The following NFIB variants were observed in gnomAD, a reference collection of about 807,000 sequenced individuals.
NFIB encodes the protein nuclear factor 1 B-type.
In NFIB, 11 loss-of-function variants were observed where a neutral mutation model predicts 61.5. The observed-to-expected ratio is 0.18, with a 90% CI of 0.11 to 0.30. NFIB has a LOEUF of 0.30. Ranked by LOEUF, NFIB falls within the 10% of genes least tolerant of loss-of-function variation. The pLI is 1.00. For missense variants in NFIB, 471 were observed against 608.9 expected, an observed-to-expected ratio of 0.77 and a Z score of 2.38; for synonymous variants, 260 against 216.5, an observed-to-expected ratio of 1.20 and a Z score of -1.76.
chr9:14,526,726 T>C, the NFIB span, among the ~76,000 whole-genome samples: 2 of 152,232 alleles, frequency 1.3e-5, no homozygotes, highest in African/African-American at 2.4e-5. Context: ...TTCAGCCATG[T>C]TACAGAAATA....
chr9:14,187,072 T>C (rs1056427813), intron 2 of NFIB, among the ~76,000 whole-genome samples: 165 of 145,116 alleles, frequency 1.1e-3, no homozygotes, highest in African/African-American at 3.5e-3. Flanking sequence ...TGTGTGTGTG[T>C]GCCTGTGTCT....
Position 14,263,439 on chromosome 9 carries a change from T to C in NFIB, c.562+43550A>G, listed in dbSNP as rs146494438. On this transcript the variant is annotated intron_variant, in intron 2 of 10. Transcript: ENST00000380953. The stretch of plus-strand genomic sequence containing the variant: ...ACGTACTCTTGTTTTTAAAAGTCTG[T>C]TTCCATACCCGTATTTACCTGTGGA... Among the ~76,000 whole-genome samples the C allele has an allele frequency of 5.3e-5, 8 of 152,316 alleles. No homozygotes were observed. The East Asian group carries it at 1.5e-3, about 29-fold the overall frequency.
At chr9:14,428,808 C>G in the NFIB span, among the ~76,000 whole-genome samples, 1 of 152,130 alleles carries the variant, frequency 6.6e-6, no homozygotes, top group Non-Finnish European at 1.5e-5. Flanking sequence ...TGATAATACA[C>G]TGAAAATAGG....
chr9:14,297,948 T>C (rs1181830588), intron 2 of NFIB, among the ~76,000 whole-genome samples: 1 of 152,174 alleles, frequency 6.6e-6, no homozygotes, highest in African/African-American at 2.4e-5. Context: ...AAATTCGCTA[T>C]TTTTGCACAT....
At chr9:14,343,189 C>T (rs1181330773) in intron 1 of NFIB, among the ~76,000 whole-genome samples, 2 of 152,164 alleles carry the variant, frequency 1.3e-5, no homozygotes, top group Admixed American at 6.5e-5. Context: ...GTTGAAATTT[C>T]CCCTGTTACT....
the NFIB span, among the ~76,000 whole-genome samples, chr9:14,406,092 C>A: frequency 1.3e-5 from 2 of 152,132 alleles, no homozygotes; most frequent in African/African-American, 2.4e-5. Context: ...ACTCATATTA[C>A]AAGTGGCCAA....
At chr9:14,356,980 T>C (rs1201623462) in intron 1 of NFIB, among the ~76,000 whole-genome samples, 2 of 152,220 alleles carry the variant, frequency 1.3e-5, no homozygotes, top group Non-Finnish European at 2.9e-5. Context: ...TCTAGTTCTA[T>C]TTCTGCTCAG....
the NFIB span, among the ~76,000 whole-genome samples, chr9:14,507,293 G>A: frequency 2.0e-5 from 3 of 152,134 alleles, no homozygotes; most frequent in African/African-American, 4.8e-5. Flanking sequence ...TTGAGGGAGC[G>A]TGATATAAAA....
At chr9:14,249,569 A>T (rs1311248936) in intron 2 of NFIB, among the ~76,000 whole-genome samples, 1 of 152,106 alleles carries the variant, frequency 6.6e-6, no homozygotes, top group Non-Finnish European at 1.5e-5. Flanking sequence ...TTATCTTATA[A>T]ACTTCCTCAG....
the NFIB span, among the ~76,000 whole-genome samples, chr9:14,494,392 C>G: frequency 1.3e-5 from 2 of 152,180 alleles, no homozygotes; most frequent in African/African-American, 2.4e-5. Flanking sequence ...GTACTGTATA[C>G]ATGCCAAAGA....
rs375667926 is a variant in NFIB at position 14,124,118 on chromosome 9, A to G, written c.1060+1514T>C. On this transcript the variant is annotated intron_variant, in intron 7 of 10. Coordinates refer to ENST00000380953, the MANE Select transcript of NFIB (RefSeq NM_001190737.2). ...AGATGCCTAACACAGACCCTAATAT[A>G]CAGATACAGAACAAATATCGGGTGA... 1.2e-4 allele frequency among the ~76,000 whole-genome samples: 18 copies of G among 152,262 alleles called. No homozygotes were observed. The South Asian group carries it at 3.7e-3, about 32-fold the overall frequency.
chr9:14,158,110 CAAA>C (rs372875773), intron 3 of NFIB, among the ~76,000 whole-genome samples: 3 of 64,372 alleles, frequency 4.7e-5, no homozygotes, highest in African/African-American at 5.7e-5. Flanking sequence ...GACTCCATCT[CAAA>C]AAAAAAAAAA....
chr9:14,164,295 G>T (rs888214715), intron 3 of NFIB, among the ~76,000 whole-genome samples: 1 of 151,998 alleles, frequency 6.6e-6, no homozygotes, highest in Non-Finnish European at 1.5e-5. Flanking sequence ...GCAATTTCAT[G>T]GTTGTATGAA....
At chr9:14,222,162 A>G (rs2051753487) in intron 2 of NFIB, among the ~76,000 whole-genome samples, 1 of 152,176 alleles carries the variant, frequency 6.6e-6, no homozygotes, top group African/African-American at 2.4e-5. Flanking sequence ...CATCTTTCCA[A>G]AACACTTTCT....
At chr9:14,315,377 C>T (rs2060494085), upstream of NFIB, among the ~76,000 whole-genome samples, 1 of 150,818 alleles carries the variant, frequency 6.6e-6, no homozygotes, top group African/African-American at 2.4e-5. Context: ...CCTCTTGCTC[C>T]CTCCACCTCC....
chr9:14,521,218 T>C, the NFIB span, among the ~76,000 whole-genome samples: 2 of 152,210 alleles, frequency 1.3e-5, no homozygotes, highest in African/African-American at 4.8e-5. Flanking sequence ...TTTTTTAATA[T>C]TTCACAAATA....
intron 2 of NFIB, among the ~76,000 whole-genome samples, chr9:14,270,934 C>A (rs2057562394): frequency 6.6e-6 from 1 of 152,096 alleles, no homozygotes; most frequent in African/African-American, 2.4e-5. Flanking sequence ...TTGCACACAG[C>A]CGCCCTAATG....
At chr9:14,200,098 T>G (rs2048870656) in intron 2 of NFIB, among the ~76,000 whole-genome samples, 1 of 152,092 alleles carries the variant, frequency 6.6e-6, no homozygotes, top group African/African-American at 2.4e-5. Flanking sequence ...TAAGAGCAAT[T>G]TAAAGGGGTG....
At chr9:14,311,728 A>G (rs1401827889) in intron 1 of NFIB, among the ~76,000 whole-genome samples, 1 of 152,220 alleles carries the variant, frequency 6.6e-6, no homozygotes, top group African/African-American at 2.4e-5. Flanking sequence ...TGTAATTGCT[A>G]GCAATGTTTC....
Sources: allele counts gnomAD v4.1 joint callset (sites outside exome capture counted in the v4.1 genomes callset), GRCh38; gene constraint gnomAD v4.1.1; transcripts MANE v1.5; gene names NCBI Gene and HGNC (gene_info 2026-07-23, HGNC 2026-07-21).